BMPR1B: variants seen among roughly 807,000 people sequenced by gnomAD.
BMPR1B encodes bone morphogenetic protein receptor type-1B.
In BMPR1B, 12 loss-of-function variants were observed where a neutral mutation model predicts 59.1. The ratio of observed to expected loss-of-function variants is 0.20; its 90% CI spans 0.13 to 0.33. The LOEUF is 0.33. Among genes scored for constraint, BMPR1B ranks in the 10% least tolerant of loss-of-function variants. BMPR1B has a pLI of 1.00. For synonymous variants in BMPR1B, 237 were observed against 207.3 expected, an observed-to-expected ratio of 1.14 and a Z score of -1.23; for missense variants, 550 against 610.9, an observed-to-expected ratio of 0.90 and a Z score of 1.05.
At chr4:94,786,423 G>A (rs1393840511) in intron 1 of BMPR1B, among the ~76,000 whole-genome samples, 1 of 151,276 alleles carries the variant, frequency 6.6e-6, no homozygotes, top group African/African-American at 2.4e-5. Context: ...CTAGAGTGTG[G>A]TGGCATGACC....
At chr4:94,875,247 C>T (rs1038389726) in intron 1 of BMPR1B, among the ~76,000 whole-genome samples, 1 of 152,180 alleles carries the variant, frequency 6.6e-6, no homozygotes, top group Non-Finnish European at 1.5e-5. Context: ...TTAAAAATTA[C>T]ACCAAAAGTT....
intron 1 of BMPR1B, among the ~76,000 whole-genome samples, chr4:94,802,778 T>G (rs1043939531): frequency 1.3e-5 from 2 of 152,194 alleles, no homozygotes; most frequent in Admixed American, 1.3e-4. Flanking sequence ...AAAAAGTCAC[T>G]GTTAAATCAG....
chr4:94,909,563 G>C (rs1462563025), intron 2 of BMPR1B, among the ~76,000 whole-genome samples: 2 of 152,110 alleles, frequency 1.3e-5, no homozygotes, highest in South Asian at 2.1e-4. Flanking sequence ...CCAGCAAAAA[G>C]TGGAACATGT....
At chr4:95,130,079 G>C in intron 9 of BMPR1B, 25 bp downstream of exon 9, 1 of 1,608,394 alleles carries the variant, frequency 6.2e-7, no homozygotes, top group Non-Finnish European at 8.5e-7. Flanking sequence ...GCATAGCTAT[G>C]TTCAGGGTTT....
At chr4:95,024,241 C>T (rs1364174866) in intron 3 of BMPR1B, among the ~76,000 whole-genome samples, 2 of 152,142 alleles carry the variant, frequency 1.3e-5, no homozygotes, top group Admixed American at 1.3e-4. Context: ...CTTTAACTTA[C>T]CTTTATTTTA....
chr4:94,758,931 TC>T (rs1721646417), intron 1 of BMPR1B, among the ~76,000 whole-genome samples: 1 of 152,026 alleles, frequency 6.6e-6, no homozygotes, highest in African/African-American at 2.4e-5. Context: ...TTGGTCTCTC[TC>T]TCTCTCTCAA....
chr4:94,917,243 G>C (rs1728519048), intron 2 of BMPR1B, among the ~76,000 whole-genome samples: 1 of 152,234 alleles, frequency 6.6e-6, no homozygotes, highest in African/African-American at 2.4e-5. Flanking sequence ...AGCATTCCCA[G>C]TGGGGCACTG....
At chr4:95,125,227 C>A in intron 8 of BMPR1B, 106 bp downstream of exon 8, 2 of 1,426,048 alleles carry the variant, frequency 1.4e-6, no homozygotes, top group Non-Finnish European at 1.9e-6. Flanking sequence ...AAGGAGAAAG[C>A]TCTATGCAGT....
chr4:94,937,719 G>GACACACAC (rs70946570), intron 2 of BMPR1B, among the ~76,000 whole-genome samples: 43 of 147,706 alleles, frequency 2.9e-4, no homozygotes, highest in African/African-American at 9.0e-4. Flanking sequence ...CACACACACA[G>GACACACAC]ACACACACAC....
rs917209360 is a variant in BMPR1B at position 94,770,272 on chromosome 4, C to G, written c.-183+12204C>G. ...TTTGGAGAGCTAGTCTATGTTAGAC[C>G]AGAACTGCATGTAGTATTTCAAGTA... On this transcript the variant is annotated intron_variant, in intron 1 of 12. Coordinates refer to ENST00000515059, the MANE Select transcript of BMPR1B (RefSeq NM_001203.3). 1.4e-5 allele frequency among the ~76,000 whole-genome samples: 2 copies of G among 146,732 alleles called. 1 individual carries two copies. The highest frequency in any genetic ancestry group is 3.0e-5 in the Non-Finnish European group (2 of 67,204).
chr4:94,769,247 A>G (rs1283881811), intron 1 of BMPR1B, among the ~76,000 whole-genome samples: 1 of 152,234 alleles, frequency 6.6e-6, no homozygotes, highest in Non-Finnish European at 1.5e-5. Context: ...AACATGAATG[A>G]TTTTGATGCC....
intron 3 of BMPR1B, among the ~76,000 whole-genome samples, chr4:95,099,422 T>C (rs1001979230): frequency 6.6e-6 from 1 of 152,192 alleles, no homozygotes; most frequent in African/African-American, 2.4e-5. Flanking sequence ...GAAACAGGAA[T>C]GTAGAAAGAG....
intron 1 of BMPR1B, among the ~76,000 whole-genome samples, chr4:94,772,556 A>G (rs956506185): frequency 1.3e-5 from 2 of 152,202 alleles, no homozygotes; most frequent in South Asian, 2.1e-4. Flanking sequence ...AAATGAACAC[A>G]TTTTTGCTAA....
intron 2 of BMPR1B, among the ~76,000 whole-genome samples, chr4:94,958,111 T>C (rs1263832307): frequency 6.6e-6 from 1 of 152,194 alleles, no homozygotes; most frequent in East Asian, 1.9e-4. Context: ...CATTCACATA[T>C]GATTAATACA....
intron 1 of BMPR1B, among the ~76,000 whole-genome samples, chr4:94,788,351 G>A (rs2110597548): frequency 6.6e-6 from 1 of 152,256 alleles, no homozygotes; most frequent in Non-Finnish European, 1.5e-5. Context: ...GGACAGGGAG[G>A]AGTATCTCTG....
intron 3 of BMPR1B, among the ~76,000 whole-genome samples, chr4:95,017,744 T>G (rs1215267832): frequency 3.3e-5 from 5 of 152,220 alleles, no homozygotes; most frequent in Non-Finnish European, 7.3e-5. Context: ...TATACTGTAC[T>G]GCCACTGGGA....
In BMPR1B at chr4:95,004,199, C is replaced by T. The variant is rs143704033; in HGVS notation, c.-18+8065C>T. 3.0e-4 allele frequency among the ~76,000 whole-genome samples: 46 copies of T among 152,190 alleles called. No individual in the cohort carries two copies. In the East Asian group the frequency reaches 8.5e-3, roughly 28 times the overall value. On this transcript the variant is annotated intron_variant, in intron 3 of 12. Coordinates refer to ENST00000515059, the MANE Select transcript of BMPR1B (RefSeq NM_001203.3). Reference sequence around the variant, plus strand: ...ATTTGAAATTTTAATTTTTGTTATGCATTTGCCCACCATGAAATATTTTGT... The same window carrying T: ...ATTTGAAATTTTAATTTTTGTTATGTATTTGCCCACCATGAAATATTTTGT...
chr4:94,802,343 G>T (rs968464729), intron 1 of BMPR1B, among the ~76,000 whole-genome samples: 2 of 152,140 alleles, frequency 1.3e-5, no homozygotes, highest in South Asian at 4.1e-4. Flanking sequence ...CATCCACCGG[G>T]AGCTAAGCAA....
chr4:94,946,517 C>T (rs1729714433), intron 2 of BMPR1B, among the ~76,000 whole-genome samples: 2 of 152,198 alleles, frequency 1.3e-5, no homozygotes, highest in South Asian at 2.1e-4. Flanking sequence ...ACGGAAGGCA[C>T]AGGATCAGAT....
Sources: allele counts gnomAD v4.1 joint callset (sites outside exome capture counted in the v4.1 genomes callset), GRCh38; gene constraint gnomAD v4.1.1; transcripts MANE v1.5; gene names NCBI Gene and HGNC (gene_info 2026-07-23, HGNC 2026-07-21).